CNIH3: variants seen among roughly 807,000 people sequenced by gnomAD.
The protein encoded by CNIH3 is cornichon family AMPA receptor auxiliary protein 3.
In CNIH3, 14 loss-of-function variants were observed where a neutral mutation model predicts 24.1. That is an observed-to-expected ratio of 0.58 (90% CI 0.38 to 0.91). The LOEUF is 0.91. CNIH3 is among the 40% of genes least tolerant of loss of function. The pLI is 0.00. For synonymous variants in CNIH3, 68 were observed against 73.8 expected (o/e 0.92, Z 0.40); for missense variants, 178 against 196.8 (o/e 0.90, Z 0.57).
chr1:224,641,731 CGGCCTCTACCCACAA>C (rs1684371408), intron 1 of CNIH3, among the ~76,000 whole-genome samples: 1 of 152,184 alleles, frequency 6.6e-6, no homozygotes, highest in African/African-American at 2.4e-5. Flanking sequence ...TCAGAGGATG[CGGCCTCTACCCACAA>C]CACACTTCCT....
chr1:224,595,174 T>A (rs1313247719), intron 3 of CNIH3, among the ~76,000 whole-genome samples: 3 of 152,178 alleles, frequency 2.0e-5, no homozygotes, highest in Non-Finnish European at 2.9e-5. Flanking sequence ...AACCTTGCAA[T>A]AAGCTGGGAC....
intron 4 of CNIH3, among the ~76,000 whole-genome samples, chr1:224,733,627 G>T (rs1409206923): frequency 6.6e-6 from 1 of 152,192 alleles, no homozygotes; most frequent in East Asian, 1.9e-4. Flanking sequence ...CCCGGTCGGA[G>T]CCCTCTCCCT....
At chr1:224,633,186 T>C (rs1683913652) in intron 1 of CNIH3, among the ~76,000 whole-genome samples, 1 of 152,158 alleles carries the variant, frequency 6.6e-6, no homozygotes, top group Non-Finnish European at 1.5e-5. Context: ...TGAGACACGT[T>C]CTTGCTCTGT....
intron 1 of CNIH3, among the ~76,000 whole-genome samples, chr1:224,478,368 T>C (rs1322435117): frequency 6.6e-6 from 1 of 152,180 alleles, no homozygotes; most frequent in Non-Finnish European, 1.5e-5. Flanking sequence ...GTCTCCTCCG[T>C]GTATTTTCAA....
At chr1:224,532,634 A>G (rs140282675) in intron 2 of CNIH3, among the ~76,000 whole-genome samples, 1,858 of 152,300 alleles carry the variant, frequency 0.012, 18 homozygotes, top group Middle Eastern at 0.037. Flanking sequence ...AATTAAGTGG[A>G]ATAGAATCTA....
chr1:224,673,721 G>A (rs1353719454), intron 1 of CNIH3, among the ~76,000 whole-genome samples: 2 of 152,164 alleles, frequency 1.3e-5, no homozygotes, highest in East Asian at 3.9e-4. Context: ...TATAACTTCT[G>A]TGATGACAGG....
At chr1:224,479,144 C>CTTTTTTTTTT (rs35188696) in intron 1 of CNIH3, among the ~76,000 whole-genome samples, 1 of 53,692 alleles carries the variant, frequency 1.9e-5, no homozygotes. Context: ...CCCCCAAAGT[C>CTTTTTTTTTT]TTTTTTTTTT....
chr1:224,580,332 G>T (rs10799586), intron 4 of CNIH3, among the ~76,000 whole-genome samples: 3 of 152,064 alleles, frequency 2.0e-5, no homozygotes, highest in Non-Finnish European at 4.4e-5. Context: ...AAACCAAAAA[G>T]TATCTGACAC....
At chr1:224,675,077 C>G (rs755138017) in intron 1 of CNIH3, among the ~76,000 whole-genome samples, 3 of 152,132 alleles carry the variant, frequency 2.0e-5, no homozygotes, top group Admixed American at 6.5e-5. Flanking sequence ...GCTTTGCTGC[C>G]AACTTTTCTT....
intron 1 of CNIH3, among the ~76,000 whole-genome samples, chr1:224,450,427 AG>A (rs1675347231): frequency 6.6e-6 from 1 of 152,220 alleles, no homozygotes; most frequent in Non-Finnish European, 1.5e-5. Context: ...GGCCTCTCTC[AG>A]GGGTACCCTT....
At chr1:224,576,244 T>G (rs1168670180) in intron 4 of CNIH3, among the ~76,000 whole-genome samples, 1 of 152,244 alleles carries the variant, frequency 6.6e-6, no homozygotes, top group Admixed American at 6.5e-5. Context: ...ATGTTCTTTC[T>G]CAGCCAAGAG....
At chr1:224,440,818 GT>G (rs1207663279) in intron 1 of CNIH3, among the ~76,000 whole-genome samples, 113 of 142,708 alleles carry the variant, frequency 7.9e-4, no homozygotes, top group Admixed American at 1.3e-3. Flanking sequence ...ACAGTATTAA[GT>G]TTTTTTTTTT....
At chr1:224,539,369 A>G (rs1445936375), downstream of CNIH3, among the ~76,000 whole-genome samples, 1 of 152,146 alleles carries the variant, frequency 6.6e-6, no homozygotes, top group Non-Finnish European at 1.5e-5. Flanking sequence ...CCAGTCCAAT[A>G]CCTTGATTCT....
chr1:224,635,602 G>A (rs562277173), intron 1 of CNIH3, among the ~76,000 whole-genome samples: 3 of 152,320 alleles, frequency 2.0e-5, no homozygotes, highest in Admixed American at 6.5e-5. Context: ...CAGCCGAGCC[G>A]GCCTCGGCCT....
intron 1 of CNIH3, among the ~76,000 whole-genome samples, chr1:224,460,945 AGTT>A (rs1675886704): frequency 1.3e-5 from 2 of 151,386 alleles, no homozygotes; most frequent in Admixed American, 1.3e-4. Context: ...GCATCCAGCC[AGTT>A]GTTTTTATTA....
chr1:224,593,253 T>G (rs1681838988), downstream of CNIH3, among the ~76,000 whole-genome samples: 1 of 151,148 alleles, frequency 6.6e-6, no homozygotes, highest in Non-Finnish European at 1.5e-5. Flanking sequence ...TCTCCCAGGC[T>G]CAAGCTATCC....
chr1:224,686,598 A>T (rs4653402), intron 3 of CNIH3, among the ~76,000 whole-genome samples: 64,639 of 152,184 alleles, frequency 0.42, 15,595 homozygotes, highest in Middle Eastern at 0.56. Flanking sequence ...GTGACATCAA[A>T]TGGATCAAGA....
At chr1:224,573,813 C>T (rs1001036011) in intron 4 of CNIH3, among the ~76,000 whole-genome samples, 1 of 152,164 alleles carries the variant, frequency 6.6e-6, no homozygotes, top group Non-Finnish European at 1.5e-5. Context: ...GGAGAGGTAG[C>T]TACAAGTGAG....
At chr1:224,683,028 A>G (rs1686478780) in intron 2 of CNIH3, among the ~76,000 whole-genome samples, 1 of 152,336 alleles carries the variant, frequency 6.6e-6, no homozygotes, top group Non-Finnish European at 1.5e-5. Flanking sequence ...AGAATGAAGA[A>G]AATCAGGACT....
Sources: gnomAD v4.1 joint callset for allele counts (sites outside exome capture counted in the v4.1 genomes callset) on GRCh38, gnomAD v4.1.1 for gene constraint, MANE v1.5 for transcripts, NCBI Gene and HGNC (gene_info 2026-07-23, HGNC 2026-07-21) for gene names.